The following TCF7L2 variants were observed in gnomAD, a reference collection of about 807,000 sequenced individuals.
TCF7L2 encodes the protein transcription factor 7-like 2.
A neutral mutation model predicts 77.9 loss-of-function variants in TCF7L2; 23 were observed. The ratio of observed to expected loss-of-function variants is 0.30; its 90% CI spans 0.21 to 0.42. TCF7L2 has a LOEUF of 0.42. TCF7L2 is among the 10% of genes least tolerant of loss of function. The probability of loss-of-function intolerance (pLI) is 1.00; values close to 1 mark genes in which losing one functional copy is unlikely to be tolerated. For synonymous variants in TCF7L2, 413 were observed against 340.2 expected, an observed-to-expected ratio of 1.21 and a Z score of -2.36; for missense variants, 654 against 793.1, an observed-to-expected ratio of 0.82 and a Z score of 2.11.
intron 5 of TCF7L2, 26 bp from the exon 6 acceptor site, chr10:113,141,158 G>A (rs2068310759): frequency 1.2e-6 from 2 of 1,612,836 alleles, no homozygotes; most frequent in South Asian, 2.2e-5. Context: ...GCTTGACGGT[G>A]TCTTTCTCTG....
In TCF7L2 at chr10:112,982,247, A is replaced by G. The variant is rs373594308; in HGVS notation, c.450+17623A>G. ...CACTTTTTTTTTTAAAAAATAACATAAGGCTGAAACTTTTTAATTGGGCAG... is the reference window on the plus strand; with the variant it reads ...CACTTTTTTTTTTAAAAAATAACATGAGGCTGAAACTTTTTAATTGGGCAG... On this transcript the variant is annotated intron_variant, in intron 4 of 13. Coordinates refer to ENST00000627217, the MANE Select transcript of TCF7L2 (RefSeq NM_001146274.2). Among the ~76,000 whole-genome samples, 5 of 152,074 alleles carry G rather than the reference A, an allele frequency of 3.3e-5. No individual in the cohort carries two copies. In the East Asian group the frequency reaches 5.8e-4, roughly 18 times the overall value.
At chr10:113,015,817 T>G (rs1266536222) in intron 4 of TCF7L2, among the ~76,000 whole-genome samples, 1 of 152,034 alleles carries the variant, frequency 6.6e-6, no homozygotes, top group African/African-American at 2.4e-5. Flanking sequence ...TAAAGAAACA[T>G]GGAAGAAAGT....
chr10:112,973,390 G>A lies in TCF7L2; in HGVS notation c.450+8766G>A, dbSNP rs529146067. Among the ~76,000 whole-genome samples, 5 of 152,192 alleles carry A rather than the reference G, an allele frequency of 3.3e-5. No individual in the cohort carries two copies. In the East Asian group the frequency reaches 7.7e-4, roughly 24 times the overall value. On this transcript the variant is annotated intron_variant, in intron 4 of 13. Transcript: ENST00000627217. Reference sequence around the variant, plus strand: ...GCCCAGGCCCTGCCCTAGACCAACCGAGTCAGCATCTCTGGGGGTTGTGGC... The same window carrying A: ...GCCCAGGCCCTGCCCTAGACCAACCAAGTCAGCATCTCTGGGGGTTGTGGC...
At chr10:113,122,142 T>C (rs1435013323) in intron 5 of TCF7L2, among the ~76,000 whole-genome samples, 1 of 152,232 alleles carries the variant, frequency 6.6e-6, no homozygotes, top group African/African-American at 2.4e-5. Context: ...TCCTGAAGTA[T>C]CAAGATACAC....
intron 3 of TCF7L2, among the ~76,000 whole-genome samples, chr10:112,961,242 C>T (rs539002589): frequency 1.0e-4 from 12 of 117,830 alleles, no homozygotes; most frequent in Non-Finnish European, 1.7e-4. Flanking sequence ...CTCGAACTCC[C>T]GACCTCAGGT....
At chr10:113,013,657 C>T (rs1481459352) in intron 4 of TCF7L2, among the ~76,000 whole-genome samples, 4 of 152,096 alleles carry the variant, frequency 2.6e-5, no homozygotes, top group Admixed American at 2.6e-4. Context: ...AGGTCTGGCT[C>T]GTGGGCATGT....
intron 3 of TCF7L2, among the ~76,000 whole-genome samples, chr10:112,963,985 C>A (rs1291198848): frequency 6.6e-6 from 1 of 152,116 alleles, no homozygotes; most frequent in East Asian, 1.9e-4. Flanking sequence ...GCTTAGTCAT[C>A]ATGAAAGAAT....
chr10:113,130,796 G>A (rs1043220888), intron 5 of TCF7L2, among the ~76,000 whole-genome samples: 3 of 151,412 alleles, frequency 2.0e-5, no homozygotes, highest in Admixed American at 6.6e-5. Context: ...ACGGAGTTTC[G>A]CTCTTATTAC....
At chr10:113,019,313 G>T (rs952997812) in intron 4 of TCF7L2, among the ~76,000 whole-genome samples, 1 of 152,118 alleles carries the variant, frequency 6.6e-6, no homozygotes, top group African/African-American at 2.4e-5. Flanking sequence ...TTGCCTGATT[G>T]ACACAGTAAT....
intron 5 of TCF7L2, among the ~76,000 whole-genome samples, chr10:113,135,043 T>C (rs972114819): frequency 1.3e-5 from 2 of 152,222 alleles, no homozygotes; most frequent in Admixed American, 6.5e-5. Context: ...CGGAGGTGAA[T>C]GGCAAGCTTT....
At chr10:113,072,396 C>G (rs12762568) in intron 5 of TCF7L2, among the ~76,000 whole-genome samples, 7,973 of 152,092 alleles carry the variant, frequency 0.052, 271 homozygotes, top group South Asian at 0.12. Context: ...GCTCTGTCAC[C>G]CAGGCTGGAG....
chr10:113,043,575 C>T (rs2052855748), intron 5 of TCF7L2, among the ~76,000 whole-genome samples: 1 of 152,106 alleles, frequency 6.6e-6, no homozygotes, highest in South Asian at 2.1e-4. Flanking sequence ...TTGCCTTCCT[C>T]CTCCCTGCCT....
At chr10:112,972,846 A>G (rs568619690) in intron 4 of TCF7L2, among the ~76,000 whole-genome samples, 1 of 152,356 alleles carries the variant, frequency 6.6e-6, no homozygotes, top group African/African-American at 2.4e-5. Flanking sequence ...TATTATCACC[A>G]TTATCCTCAT....
intron 12 of TCF7L2, among the ~76,000 whole-genome samples, chr10:113,160,365 A>G (rs1404299535): frequency 6.7e-6 from 1 of 148,336 alleles, no homozygotes; most frequent in Non-Finnish European, 1.5e-5. Context: ...CTCTCTTTTT[A>G]TTTATTTATT....
intron 5 of TCF7L2, among the ~76,000 whole-genome samples, chr10:113,088,690 C>T (rs1564878408): frequency 6.6e-6 from 1 of 152,038 alleles, no homozygotes; most frequent in Admixed American, 6.6e-5. Flanking sequence ...GACATGGTGC[C>T]GCTTGCCTGA....
chr10:113,031,681 T>A (rs2050243055), intron 4 of TCF7L2, among the ~76,000 whole-genome samples: 2 of 152,052 alleles, frequency 1.3e-5, no homozygotes, highest in South Asian at 2.1e-4. Flanking sequence ...AGAGATGGGG[T>A]CTCACCATGT....
rs756409004 is a variant in TCF7L2, at chr10:113,167,459, T to C, written c.*1487T>C. 13 of 223,216 alleles carry C rather than the reference T, an allele frequency of 5.8e-5. No homozygotes were observed. The highest frequency in any genetic ancestry group is 1.2e-4 in the Non-Finnish European group (13 of 111,912). 13.8% of individuals were successfully genotyped at this position (223,216 alleles called of 1,614,324 possible). ...GAAGCGATTGTAAAACTGTCTCCGA[T>C]TTTTCTCTGGTTTATTAAAATGCTA... On this transcript the variant is annotated 3_prime_UTR_variant, in exon 14 of 14. Coordinates refer to ENST00000627217, the MANE Select transcript of TCF7L2 (RefSeq NM_001146274.2).
chr10:113,071,885 C>A (rs1356159751), intron 5 of TCF7L2, among the ~76,000 whole-genome samples: 1 of 152,218 alleles, frequency 6.6e-6, no homozygotes. Flanking sequence ...AGGTCAGGGG[C>A]TGGCTGGGAC....
chr10:113,093,556 C>T (rs2060618905), intron 5 of TCF7L2, among the ~76,000 whole-genome samples: 2 of 152,284 alleles, frequency 1.3e-5, no homozygotes, highest in South Asian at 2.1e-4. Context: ...ATTCATTGTC[C>T]CTTCTCTTTC....
Sources: allele counts gnomAD v4.1 joint callset (sites outside exome capture counted in the v4.1 genomes callset), GRCh38; gene constraint gnomAD v4.1.1; transcripts MANE v1.5; gene names NCBI Gene and HGNC (gene_info 2026-07-23, HGNC 2026-07-21).